The following CORIN variants were observed in gnomAD, a reference collection of about 807,000 sequenced individuals.
The protein encoded by CORIN is corin, serine peptidase.
CORIN carries 117 observed loss-of-function variants against 125.3 expected under a neutral mutation model. The ratio of observed to expected loss-of-function variants is 0.93; its 90% CI spans 0.80 to 1.09. The LOEUF (loss-of-function observed/expected upper bound fraction) is 1.09. Ranked by LOEUF, CORIN falls within the 50% of genes least tolerant of loss-of-function variation. The pLI, the probability that CORIN is intolerant of heterozygous loss-of-function variation, is 0.00. For missense variants in CORIN, 1,253 were observed against 1,306.7 expected, an observed-to-expected ratio of 0.96 and a Z score of 0.63; for synonymous variants, 450 against 466.4, an observed-to-expected ratio of 0.96 and a Z score of 0.45.
intron 1 of CORIN, among the ~76,000 whole-genome samples, chr4:47,834,714 C>T (rs1733288924): frequency 6.6e-6 from 1 of 152,128 alleles, no homozygotes; most frequent in African/African-American, 2.4e-5. Flanking sequence ...TAGATGTATA[C>T]TTGTTTCCAA....
chr4:47,747,999 C>G (rs1159478416), intron 4 of CORIN, among the ~76,000 whole-genome samples: 1 of 152,108 alleles, frequency 6.6e-6, no homozygotes, highest in African/African-American at 2.4e-5. Flanking sequence ...ATTAAAATAC[C>G]ATTAGGCCCT....
intron 1 of CORIN, among the ~76,000 whole-genome samples, chr4:47,836,009 TA>T (rs1024792523): frequency 4.6e-5 from 7 of 152,200 alleles, no homozygotes; most frequent in Middle Eastern, 3.4e-3. Flanking sequence ...CCCTCCCCCT[TA>T]AAAAATGCCT....
At chr4:47,689,788 T>C (rs1725688665) in intron 6 of CORIN, among the ~76,000 whole-genome samples, 1 of 152,130 alleles carries the variant, frequency 6.6e-6, no homozygotes, top group African/African-American at 2.4e-5. Flanking sequence ...CCATTAGAAT[T>C]ACCTGGAGAG....
intron 2 of CORIN, among the ~76,000 whole-genome samples, chr4:47,793,342 C>A (rs1488667436): frequency 1.3e-5 from 2 of 152,102 alleles, no homozygotes; most frequent in African/African-American, 4.8e-5. Flanking sequence ...ATGGAAATGG[C>A]TGATATTGCC....
At chr4:47,672,488 CAT>C (rs992300293) in intron 10 of CORIN, among the ~76,000 whole-genome samples, 3 of 152,044 alleles carry the variant, frequency 2.0e-5, no homozygotes, top group Non-Finnish European at 2.9e-5. Context: ...ATAGTAAACA[CAT>C]GTCTTTGAGA....
chr4:47,802,078 C>T (rs1731568807), intron 2 of CORIN, among the ~76,000 whole-genome samples: 2 of 152,372 alleles, frequency 1.3e-5, no homozygotes, highest in Non-Finnish European at 2.9e-5. Context: ...TGGCAGGAGT[C>T]AGCACTTGCT....
At chr4:47,676,720 T>C (rs1349694774) in intron 9 of CORIN, among the ~76,000 whole-genome samples, 4 of 152,266 alleles carry the variant, frequency 2.6e-5, no homozygotes, top group South Asian at 2.1e-4. Context: ...TTTTATCATA[T>C]GACTTTCTTA....
chr4:47,696,275 T>C (rs908091568), intron 5 of CORIN, among the ~76,000 whole-genome samples: 5 of 152,194 alleles, frequency 3.3e-5, no homozygotes, highest in African/African-American at 4.8e-5. Context: ...GGAGATTCCA[T>C]GAGAAGTCAT....
At position 47,642,068 on chromosome 4, in the gene CORIN, AG is replaced by A; in HGVS notation, c.2069-20del. On this transcript the variant is annotated intron_variant, in intron 15 of 21. Coordinates refer to ENST00000273857, the MANE Select transcript of CORIN (RefSeq NM_006587.4). Reference sequence around the variant, plus strand: ...AGGGTCACTAGGGAAAGAAAAGACAAGGGAAACCCTAATTAAAAACATTTCT... The same window carrying A: ...AGGGTCACTAGGGAAAGAAAAGACAAGGAAACCCTAATTAAAAACATTTCT... The A allele has an allele frequency of 6.8e-6, 11 of 1,609,106 alleles. No individual in the cohort carries two copies. The highest frequency in any genetic ancestry group is 9.3e-6 in the Non-Finnish European group (11 of 1,177,852).
intron 2 of CORIN, among the ~76,000 whole-genome samples, chr4:47,792,655 G>A (rs62299254): frequency 0.043 from 6,516 of 152,256 alleles, 202 homozygotes; most frequent in Non-Finnish European, 0.068. Context: ...TTCTACTGGG[G>A]CATAAGCTGA....
intron 5 of CORIN, among the ~76,000 whole-genome samples, chr4:47,736,900 G>C (rs138748543): frequency 3.9e-5 from 6 of 152,204 alleles, no homozygotes; most frequent in Admixed American, 2.0e-4. Context: ...AGATACTAAG[G>C]GGCCAGGTGA....
rs769509859 is a variant in CORIN, at chr4:47,787,513, C to CA, written c.209-589dup. Among the ~76,000 whole-genome samples, 232 of 119,992 alleles carry CA rather than the reference C, an allele frequency of 1.9e-3. 1 individual carries two copies. Among genetic ancestry groups the CA allele is most frequent in the African/African-American group, 4.0e-3 (133 of 33,208 alleles). 78.7% of individuals were successfully genotyped at this position (119,992 alleles called of 152,430 possible). ...TTATCAAAACTTGTATCATAGGAAC[C>CA]AAAAAAAAAAAAACCTCTAAAGCAC... On this transcript the variant is annotated intron_variant, in intron 2 of 21. Transcript: ENST00000273857.
intron 5 of CORIN, among the ~76,000 whole-genome samples, chr4:47,737,778 AT>A (rs1284463136): frequency 6.6e-6 from 1 of 152,272 alleles, no homozygotes; most frequent in East Asian, 1.9e-4. Flanking sequence ...ATGGTTATTG[AT>A]CTAGATAACC....
intron 6 of CORIN, among the ~76,000 whole-genome samples, chr4:47,685,822 T>A (rs1725487986): frequency 6.6e-6 from 1 of 151,402 alleles, no homozygotes; most frequent in South Asian, 2.1e-4. Flanking sequence ...GGAATTTCAA[T>A]AGGGTGGATG....
chr4:47,796,215 C>T (rs1472845697), intron 2 of CORIN, among the ~76,000 whole-genome samples: 1 of 151,960 alleles, frequency 6.6e-6, no homozygotes, highest in Non-Finnish European at 1.5e-5. Flanking sequence ...GCCTAAATGT[C>T]CACTGATAGA....
Position 47,693,070 on chromosome 4 carries a change from C to G in CORIN, c.813G>C (p.Arg271Ser), listed in dbSNP as rs764513819. 48 of 1,611,904 alleles carry G rather than the reference C, an allele frequency of 3.0e-5. No homozygotes were observed. In the Admixed American group the frequency reaches 3.5e-4, roughly 12 times the overall value. The change falls in exon 6 of 22, where the codon AGG becomes AGC. Residue 271 changes from arginine to serine, a missense_variant. Physicochemically the swap from Arg to Ser is moderately radical, Grantham distance 110. Transcript: ENST00000273857. ...QENGKQLLCG[R>S]GENFLCASGI... ...CACTGGCACACAGAAAGTTCTCACC[C>G]CTTCCACAGAGCACTAAAAAAAAAG...
chr4:47,816,846 G>GCACACACA (rs58486505), intron 1 of CORIN, among the ~76,000 whole-genome samples: 23 of 150,770 alleles, frequency 1.5e-4, no homozygotes, highest in African/African-American at 5.1e-4. Context: ...ACACACACGT[G>GCACACACA]CACACACACA....
In CORIN at chr4:47,680,223, G is replaced by C; in HGVS notation, c.1050C>G (p.Cys350Trp). 1 of 1,613,822 alleles carries C rather than the reference G, an allele frequency of 6.2e-7. No homozygotes were observed. The highest frequency in any genetic ancestry group is 8.5e-7 in the Non-Finnish European group (1 of 1,179,798). Residue 350 changes from cysteine to tryptophan, a missense_variant, in exon 8 of 22, where the codon TGC becomes TGG. By Grantham distance (215) the Cys-to-Trp change is radical. Transcript: ENST00000273857. ...CDCNPTTEHR[C>W]GDGRCIAMEW... ...CCATGGCGATGCAGCGCCCGTCCCC[G>C]CAGCGATGCTCTGTTGTGGGATTGC... is the stretch of plus-strand genomic sequence containing the variant.
At chr4:47,689,352 G>C (rs1725665601) in intron 6 of CORIN, among the ~76,000 whole-genome samples, 1 of 152,182 alleles carries the variant, frequency 6.6e-6, no homozygotes, top group African/African-American at 2.4e-5. Flanking sequence ...CTGAGGCACA[G>C]AGAGGTTGAG....
Sources: gnomAD v4.1 joint callset for allele counts (sites outside exome capture counted in the v4.1 genomes callset) on GRCh38, gnomAD v4.1.1 for gene constraint, MANE v1.5 for transcripts, NCBI Gene and HGNC (gene_info 2026-07-23, HGNC 2026-07-21) for gene names.